Variants in TMEM164 observed in about 807,000 individuals in gnomAD.
The protein encoded by TMEM164 is transmembrane protein 164, also known as RP13-360B22.2.
A neutral mutation model predicts 18.8 loss-of-function variants in TMEM164; 4 were observed. That is an observed-to-expected ratio of 0.21 (90% CI 0.10 to 0.49). The LOEUF (loss-of-function observed/expected upper bound fraction) is 0.49. Ranked by LOEUF, TMEM164 falls within the 20% of genes least tolerant of loss-of-function variation. The probability of loss-of-function intolerance (pLI) is 0.98; values close to 1 mark genes in which losing one functional copy is unlikely to be tolerated. For synonymous variants in TMEM164, 86 were observed against 101.7 expected (o/e 0.85, Z 0.93); for missense variants, 108 against 239.9 (o/e 0.45, Z 3.63).
At chrX:110,165,660 C>A (rs1386416219) in intron 5 of TMEM164, among the ~76,000 whole-genome samples, 1 of 112,273 alleles carries the variant, frequency 8.9e-6, no homozygotes, top group Non-Finnish European at 1.9e-5. Context: ...CTCTCCTGAG[C>A]ACTAGACCTG....
chrX:110,118,239 C>T (rs2066400640), intron 4 of TMEM164, among the ~76,000 whole-genome samples: 1 of 112,357 alleles, frequency 8.9e-6, no homozygotes, highest in African/African-American at 3.2e-5. Flanking sequence ...TTAACTTAAA[C>T]ACTAGATAAT....
rs1040093123 is a variant in TMEM164 at position 110,109,073 on chromosome X, C to T, written c.441-7C>T. ...ATGACCTGAACTTTATCTTTCTCCC[C>T]CTCTAGGCTACAGATGCACATGTTG... On this transcript the variant is annotated splice_polypyrimidine_tract_variant and splice_region_variant and intron_variant, in intron 3 of 6. Transcript: ENST00000372068. The T allele has an allele frequency of 8.3e-7, 1 of 1,209,269 alleles. No homozygotes were observed. The highest frequency in any genetic ancestry group is 3.0e-5 in the East Asian group (1 of 33,820).
At chrX:110,006,050 A>G (rs1182519755) in intron 2 of TMEM164, among the ~76,000 whole-genome samples, 1 of 111,568 alleles carries the variant, frequency 9.0e-6, no homozygotes, top group Non-Finnish European at 1.9e-5. Context: ...AATTCATTGT[A>G]TGACTTTGGA....
At chrX:110,121,163 T>A (rs1478936878) in intron 4 of TMEM164, among the ~76,000 whole-genome samples, 2 of 112,585 alleles carry the variant, frequency 1.8e-5, no homozygotes, top group Non-Finnish European at 3.8e-5. Context: ...CTCTTTGACT[T>A]CAGTCACAAT....
intron 3 of TMEM164, among the ~76,000 whole-genome samples, chrX:110,074,616 T>C (rs750340034): frequency 2.7e-4 from 30 of 112,034 alleles, no homozygotes; most frequent in Non-Finnish European, 3.4e-4. Context: ...GTTTAAGTCA[T>C]CTTGAGTTAA....
At chrX:110,025,667 A>G (rs2147736135) in intron 2 of TMEM164, among the ~76,000 whole-genome samples, 1 of 112,178 alleles carries the variant, frequency 8.9e-6, no homozygotes, top group South Asian at 3.7e-4. Flanking sequence ...GGTACCTCCT[A>G]AACACTAACT....
In TMEM164 at chrX:110,076,719, G is replaced by A. The variant is rs139847538; in HGVS notation, c.440+9323G>A. ...TTTTTGATTTCTGCCTTAATTGTAT[G>A]GTTTATCCCAAAATCGTTCAGGAAC... On this transcript the variant is annotated intron_variant, in intron 3 of 6. Transcript: ENST00000372068. Among the ~76,000 whole-genome samples the A allele has an allele frequency of 3.8e-4, 42 of 111,733 alleles. 1 individual carries two copies. In the East Asian group the frequency reaches 0.011, roughly 30 times the overall value.
At chrX:110,152,070 T>TTTTTTTTG (rs1363321994) in intron 5 of TMEM164, among the ~76,000 whole-genome samples, 1 of 102,511 alleles carries the variant, frequency 9.8e-6, no homozygotes, top group African/African-American at 3.7e-5. Flanking sequence ...TTTTTTTTTT[T>TTTTTTTTG]GTCTGAGACG....
chrX:110,169,699 C>T (rs926284575), intron 5 of TMEM164, among the ~76,000 whole-genome samples: 1 of 111,966 alleles, frequency 8.9e-6, no homozygotes, highest in Non-Finnish European at 1.9e-5. Context: ...TTGAATTAGT[C>T]GCCAACATTG....
intron 2 of TMEM164, among the ~76,000 whole-genome samples, chrX:110,034,816 A>G (rs1934696977): frequency 9.7e-6 from 1 of 103,157 alleles, no homozygotes; most frequent in Non-Finnish European, 2.0e-5. Context: ...ACTTGGAACC[A>G]ACCCAAATGT....
intron 4 of TMEM164, among the ~76,000 whole-genome samples, chrX:110,132,823 T>C (rs1461010434): frequency 8.9e-6 from 1 of 112,071 alleles, no homozygotes; most frequent in Non-Finnish European, 1.9e-5. Flanking sequence ...CATCTTCAAA[T>C]TGGGGAATAA....
intron 4 of TMEM164, among the ~76,000 whole-genome samples, chrX:110,142,751 A>G (rs1339133529): frequency 8.8e-6 from 1 of 113,557 alleles, no homozygotes; most frequent in South Asian, 3.6e-4. Context: ...GGCCTTGGCC[A>G]AGGCCACAGA....
At chrX:110,167,552 G>A (rs1376687158) in intron 5 of TMEM164, among the ~76,000 whole-genome samples, 2 of 112,160 alleles carry the variant, frequency 1.8e-5, no homozygotes, top group African/African-American at 6.5e-5. Flanking sequence ...TTTGTTTCCA[G>A]TTTCTCAGTA....
At chrX:110,025,345 C>T (rs1021684371) in intron 2 of TMEM164, among the ~76,000 whole-genome samples, 4 of 111,860 alleles carry the variant, frequency 3.6e-5, no homozygotes, top group African/African-American at 1.3e-4. Context: ...ATGCTCATCA[C>T]TTGTGGGCTC....
intron 4 of TMEM164, among the ~76,000 whole-genome samples, chrX:110,110,317 C>T (rs902680347): frequency 1.8e-5 from 2 of 112,095 alleles, no homozygotes; most frequent in Admixed American, 9.4e-5. Context: ...TCTAAAGCAG[C>T]GATTTTGAAC....
chrX:110,078,065 C>G (rs1156629871), intron 3 of TMEM164, among the ~76,000 whole-genome samples: 1 of 112,351 alleles, frequency 8.9e-6, no homozygotes, highest in Admixed American at 9.5e-5. Flanking sequence ...AAGTTGCCCA[C>G]TGTGTTTCCT....
At chrX:110,019,992 T>C (rs976597450) in intron 2 of TMEM164, among the ~76,000 whole-genome samples, 5 of 112,371 alleles carry the variant, frequency 4.4e-5, no homozygotes, top group Non-Finnish European at 9.4e-5. Flanking sequence ...AAATATTCTT[T>C]CTTTTCTCTT....
At chrX:110,103,579 G>C (rs2066143043) in intron 3 of TMEM164, among the ~76,000 whole-genome samples, 1 of 109,505 alleles carries the variant, frequency 9.1e-6, no homozygotes, top group African/African-American at 3.3e-5. Context: ...CATATCAAAG[G>C]CATGTTTCTG....
At chrX:110,035,725 G>A (rs930973535) in intron 2 of TMEM164, among the ~76,000 whole-genome samples, 10 of 108,898 alleles carry the variant, frequency 9.2e-5, no homozygotes, top group Admixed American at 2.0e-4. Context: ...GGCTGGTCTC[G>A]AACTCCTGAT....
Sources: gnomAD v4.1 joint callset for allele counts (sites outside exome capture counted in the v4.1 genomes callset) on GRCh38, gnomAD v4.1.1 for gene constraint, MANE v1.5 for transcripts, NCBI Gene and HGNC (gene_info 2026-07-23, HGNC 2026-07-21) for gene names.